TTLL10: variants seen among roughly 807,000 people sequenced by gnomAD.
TTLL10 encodes the protein tubulin tyrosine ligase like 10, also known as inactive polyglycylase TTLL10.
In TTLL10, 61 loss-of-function variants were observed where a neutral mutation model predicts 69.0. The observed-to-expected ratio is 0.88, with a 90% confidence interval of 0.72 to 1.09. The LOEUF is 1.09. TTLL10 is among the 50% of genes least tolerant of loss of function. The pLI is 0.00. For missense variants in TTLL10, 962 were observed against 945.9 expected (o/e 1.02, Z -0.22); for synonymous variants, 408 against 393.3 (o/e 1.04, Z -0.44).
intron 5 of TTLL10, 29 bp downstream of exon 5, chr1:1,179,766 T>G (rs987408796): frequency 1.5e-5 from 23 of 1,528,222 alleles, no homozygotes; most frequent in Non-Finnish European, 1.9e-5. Context: ...GCGACCTCCC[T>G]GCCCCCTGCT....
chr1:1,176,162 C>T (rs1205537854), intron 3 of TTLL10: 13 of 445,906 alleles, frequency 2.9e-5, no homozygotes, highest in Admixed American at 1.4e-4. Flanking sequence ...GAGAGGCTGA[C>T]GCTGTGCAGG....
chr1:1,196,337 C>T, intron 13 of TTLL10: 1 of 470,784 alleles, frequency 2.1e-6, no homozygotes. Context: ...GTCTCTTCTG[C>T]TCAAGGGCAG....
At chr1:1,178,510 T>G (rs1398936103) in intron 3 of TTLL10, among the ~76,000 whole-genome samples, 1 of 150,216 alleles carries the variant, frequency 6.7e-6, no homozygotes, top group East Asian at 2.0e-4. Flanking sequence ...GCAGTGAGCC[T>G]AGATCGCCCC....
rs1206709054 is a variant in TTLL10, at chr1:1,197,713, G to T, written c.1888G>T (p.Asp630Tyr). 6.5e-7 allele frequency: 1 copy of T among 1,529,014 alleles called. No homozygotes were observed. The highest frequency in any genetic ancestry group is 8.8e-7 in the Non-Finnish European group (1 of 1,141,794). The allele number at this position is 1,529,014 out of a possible 1,614,324, so 94.7% of individuals were successfully genotyped here. ...TCCCCGGCCACCCGGCCCCGACCTG[G>T]ACAGCGCCCACGATGGGGAGCCCCA... Reference protein sequence around the residue: ...QRPRPPGPDLDSAHDGEPQAP... With the variant: ...QRPRPPGPDLYSAHDGEPQAP... Residue 630 changes from aspartate to tyrosine, a missense_variant, in exon 16 of 16, where the codon GAC becomes TAC. Physicochemically the swap from Asp to Tyr is radical, Grantham distance 160 (BLOSUM62 -3). Transcript: ENST00000379289.
In TTLL10 at chr1:1,185,125, C is replaced by T. The variant is rs1453275185; in HGVS notation, c.1401+16C>T. 1 of 1,609,108 alleles carries T rather than the reference C, an allele frequency of 6.2e-7. No individual in the cohort carries two copies. The highest frequency in any genetic ancestry group is 1.7e-5 in the Admixed American group (1 of 59,022). On this transcript the variant is annotated intron_variant, in intron 13 of 15. Transcript: ENST00000379289. This position sits in a 1 kb window ranked among gnomAD's most constrained non-coding sequence, Gnocchi z 6.1. The stretch of plus-strand genomic sequence containing the variant: ...CACCCTCAAGGTGCGTCCACTGTGC[C>T]CTCCAGTCTGGGAGTGAGATCCCTC...
At position 1,183,965 on chromosome 1, in the gene TTLL10, G is replaced by T. The variant is rs781649098; in HGVS notation, c.1134G>T (p.Val378=). The T allele has an allele frequency of 6.2e-7, 1 of 1,614,076 alleles. No individual in the cohort carries two copies. The highest frequency in any genetic ancestry group is 8.5e-7 in the Non-Finnish European group (1 of 1,180,038). ...TGGTGGACGGGAGAAAGTTTGACGT[G>T]CGCTCCTACCTGCTCATTGCCTGCA... ...PLLVDGRKFD[V]RSYLLIACTT... The change falls in exon 12 of 16, where the codon GTG becomes GTT. Residue 378 remains valine (V), a synonymous_variant. Coordinates refer to ENST00000379289, the MANE Select transcript of TTLL10 (RefSeq NM_001130045.2).
intron 13 of TTLL10, among the ~76,000 whole-genome samples, chr1:1,187,004 G>A (rs1464806221): frequency 1.4e-5 from 2 of 141,498 alleles, no homozygotes; most frequent in Admixed American, 8.0e-5. Flanking sequence ...CCGCCACCAC[G>A]CCCGGCTAAT....
At position 1,181,900 on chromosome 1, in the gene TTLL10, G is replaced by A. The variant is rs1006328486; in HGVS notation, c.830+85G>A. ...TCGTCTGAAAAGGAGAAAGCGGGGCGGGGGTCCCACACAAAGGAAAACCAC... is the reference window on the plus strand; with the variant it reads ...TCGTCTGAAAAGGAGAAAGCGGGGCAGGGGTCCCACACAAAGGAAAACCAC... On this transcript the variant is annotated intron_variant, in intron 9 of 15. Coordinates refer to ENST00000379289, the MANE Select transcript of TTLL10 (RefSeq NM_001130045.2). This position sits in a 1 kb window ranked among gnomAD's most constrained non-coding sequence, Gnocchi z 4.6. 3.5e-5 allele frequency: 46 copies of A among 1,332,860 alleles called. No individual in the cohort carries two copies. The East Asian group carries it at 3.7e-4, about 11-fold the overall frequency. 82.6% of individuals were successfully genotyped at this position (1,332,860 alleles called of 1,614,324 possible). A position where few individuals can be genotyped will look rare whatever the true frequency, so the allele number is the denominator to read the frequency against.
At chr1:1,180,457 G>GGCCCCCCCC in intron 6 of TTLL10, 26 bp from the exon 7 acceptor site, 3 of 1,520,718 alleles carry the variant, frequency 2.0e-6, no homozygotes, top group African/African-American at 1.4e-5. Flanking sequence ...CGGCCCCCAG[G>GGCCCCCCCC]TCACCCCCGC....
At chr1:1,182,513 G>A in intron 10 of TTLL10, 67 bp downstream of exon 10, 2 of 1,531,634 alleles carry the variant, frequency 1.3e-6, no homozygotes, top group Non-Finnish European at 1.8e-6. Context: ...GACCAAGGCG[G>A]GGGCTGATGA....
Position 1,184,031 on chromosome 1 carries a change from C to A in TTLL10, c.1200C>A (p.Arg400=), listed in dbSNP as rs750829829. 4 of 1,614,116 alleles carry A rather than the reference C, an allele frequency of 2.5e-6. No individual in the cohort carries two copies. Among genetic ancestry groups the A allele is most frequent in the Non-Finnish European group, 3.4e-6 (4 of 1,180,038 alleles). The change falls in exon 12 of 16, where the codon CGC becomes CGA. Residue 400 remains arginine, a synonymous_variant. Transcript: ENST00000379289. ...YMIFFGHGYA[R]LTLSLYDPHS... ...TCTTCTTTGGCCACGGCTATGCTCGCCTCACCCTTAGCCTTTACGACCCCC... is the reference window on the plus strand; with the variant it reads ...TCTTCTTTGGCCACGGCTATGCTCGACTCACCCTTAGCCTTTACGACCCCC...
intron 11 of TTLL10, among the ~76,000 whole-genome samples, chr1:1,183,529 C>G (rs538383910): frequency 6.6e-6 from 1 of 152,326 alleles, no homozygotes; most frequent in African/African-American, 2.4e-5. Flanking sequence ...TCTGCCGTCC[C>G]CAGCTTCCAT....
chr1:1,196,943 C>G (rs1016940193), intron 14 of TTLL10, 150 bp from the exon 15 acceptor site: 1 of 842,608 alleles, frequency 1.2e-6, no homozygotes. Context: ...AGCTTCAGAC[C>G]CTCAGAGCTT....
intron 13 of TTLL10, among the ~76,000 whole-genome samples, chr1:1,187,689 G>A (rs1159644516): frequency 6.6e-6 from 1 of 152,040 alleles, no homozygotes; most frequent in Non-Finnish European, 1.5e-5. Flanking sequence ...TGGATCACCT[G>A]AGGTCAGGAG....
At position 1,181,958 on chromosome 1, in the gene TTLL10, C is replaced by A; in HGVS notation, c.830+143C>A. 1 of 796,456 alleles carries A rather than the reference C, an allele frequency of 1.3e-6. No individual in the cohort carries two copies. Among genetic ancestry groups the A allele is most frequent in the Non-Finnish European group, 2.0e-6 (1 of 488,196 alleles). The allele number at this position is 796,456 out of a possible 1,614,324, so 49.3% of individuals were successfully genotyped here. A position where few individuals can be genotyped will look rare whatever the true frequency, so the allele number is the denominator to read the frequency against. Reference sequence around the variant, plus strand: ...AGTCAGAGGTTCAGCCAGGCCAGGCCGAGATCCACGCTGACCCCCCAGTGC... The same window carrying A: ...AGTCAGAGGTTCAGCCAGGCCAGGCAGAGATCCACGCTGACCCCCCAGTGC... On this transcript the variant is annotated intron_variant, in intron 9 of 15. Coordinates refer to ENST00000379289, the MANE Select transcript of TTLL10 (RefSeq NM_001130045.2). This position sits in a 1 kb window ranked among gnomAD's most constrained non-coding sequence, Gnocchi z 4.6.
chr1:1,196,943 C>T (rs1016940193), intron 14 of TTLL10, 150 bp from the exon 15 acceptor site: 30 of 842,608 alleles, frequency 3.6e-5, no homozygotes, highest in South Asian at 1.5e-4. Context: ...AGCTTCAGAC[C>T]CTCAGAGCTT....
intron 6 of TTLL10, 30 bp downstream of exon 6, chr1:1,180,370 C>T: frequency 6.5e-7 from 1 of 1,542,422 alleles, no homozygotes. Context: ...GCCCGTGGTC[C>T]CACTGAATAC....
chr1:1,185,088 C>G lies in TTLL10; in HGVS notation c.1380C>G (p.Asp460Glu), dbSNP rs1647220914. ...GGAAGGCCCGGGGCCTCGCCAAGGA[C>G]TGGGTCTTCACCACCCTCAAGGTGC... ...TFWKARGLAK[D>E]WVFTTLKKRM... The change falls in exon 13 of 16, where the codon GAC becomes GAG. Residue 460 changes from aspartate to glutamate, a missense_variant. Transcript: ENST00000379289. This position sits in a 1 kb window ranked among gnomAD's most constrained non-coding sequence, Gnocchi z 6.1. The G allele has an allele frequency of 2.5e-6, 4 of 1,614,028 alleles. No individual in the cohort carries two copies. The highest frequency in any genetic ancestry group is 3.4e-6 in the Non-Finnish European group (4 of 1,179,974).
rs1435682203 is a variant in TTLL10, at chr1:1,181,522, G to C, written c.756-219G>C. On this transcript the variant is annotated intron_variant, in intron 8 of 15. Transcript: ENST00000379289. The surrounding 1 kb of genome is among the most constrained non-coding windows in gnomAD (Gnocchi z 4.6). ...CCTCCATCTGCACCCCCCGCCCCTG[G>C]TTGCCTGTGACACCAGCTTTACACC... 2.6e-5 allele frequency among the ~76,000 whole-genome samples: 4 copies of C among 151,988 alleles called. No individual in the cohort carries two copies. Among genetic ancestry groups the C allele is most frequent in the Non-Finnish European group, 2.9e-5 (2 of 68,002 alleles).
Sources: gnomAD v4.1 joint callset for allele counts (sites outside exome capture counted in the v4.1 genomes callset) on GRCh38, gnomAD v4.1.1 for gene constraint, Gnocchi (gnomAD v3.1) non-coding constraint, MANE v1.5 for transcripts, NCBI Gene and HGNC (gene_info 2026-07-23, HGNC 2026-07-21) for gene names.